Variants in MKNK1 observed in about 807,000 individuals in gnomAD.
MKNK1 encodes MAP kinase-interacting serine/threonine-protein kinase 1.
A neutral mutation model predicts 49.3 loss-of-function variants in MKNK1; 30 were observed. The observed-to-expected ratio is 0.61, with a 90% CI of 0.46 to 0.83. MKNK1 has a LOEUF of 0.83. Among genes scored for constraint, MKNK1 ranks in the 40% least tolerant of loss-of-function variants. MKNK1 has a pLI of 0.00. For missense variants in MKNK1, 423 were observed against 524.7 expected (o/e 0.81, Z 1.89); for synonymous variants, 176 against 201.7 (o/e 0.87, Z 1.08).
At position 46,562,804 on chromosome 1, in the gene MKNK1, C is replaced by A; in HGVS notation, c.649G>T (p.Val217Phe). The change falls in exon 10 of 13, where the codon GTC becomes TTC. Residue 217 changes from valine (V) to phenylalanine (F), a missense_variant. Coordinates refer to ENST00000371945, the MANE Select transcript of MKNK1 (RefSeq NM_001135553.4). Reference protein sequence around the residue: ...AEYMAPEVVEVFTDQATFYDK... With the variant: ...AEYMAPEVVEFFTDQATFYDK... ...TAGAATGTGGCCTGGTCCGTGAAGA[C>A]CTCCACTACCTCAGGGGCCATGTAT... is the stretch of plus-strand genomic sequence containing the variant. 1 of 1,612,880 alleles carries A rather than the reference C, an allele frequency of 6.2e-7. No individual in the cohort carries two copies. The highest frequency in any genetic ancestry group is 8.5e-7 in the Non-Finnish European group (1 of 1,179,506).
chr1:46,567,575 G>T (rs534058606), intron 8 of MKNK1, among the ~76,000 whole-genome samples: 1 of 152,130 alleles, frequency 6.6e-6, no homozygotes, highest in African/African-American at 2.4e-5. Flanking sequence ...TTATTTGAGC[G>T]AATCCATTAT....
chr1:46,560,257 G>A lies in MKNK1; in HGVS notation c.990C>T (p.Leu330=), dbSNP rs1250096521. The A allele has an allele frequency of 2.2e-5, 36 of 1,614,030 alleles. No individual in the cohort carries two copies. The highest frequency in any genetic ancestry group is 3.1e-5 in the Non-Finnish European group (36 of 1,180,014). ...WVQGQAPEKG[L]PTPQVLQRNS... Reference sequence around the variant, plus strand: ...ACCTCTGGAGGACTTGCGGCGTGGGGAGTCCCTTTTCTGGAGCTTGCTAGA... The same window carrying A: ...ACCTCTGGAGGACTTGCGGCGTGGGAAGTCCCTTTTCTGGAGCTTGCTAGA... The change falls in exon 12 of 13, where the codon CTC becomes CTT. Residue 330 remains leucine, a synonymous_variant. Transcript: ENST00000371945.
At chr1:46,602,218 C>T (rs1331564235) in intron 1 of MKNK1, among the ~76,000 whole-genome samples, 1 of 152,208 alleles carries the variant, frequency 6.6e-6, no homozygotes, top group Non-Finnish European at 1.5e-5. Flanking sequence ...TTGAATCCAG[C>T]CTGGCCAACA....
intron 1 of MKNK1, among the ~76,000 whole-genome samples, chr1:46,598,884 C>G (rs972993222): frequency 1.3e-5 from 2 of 152,144 alleles, no homozygotes; most frequent in African/African-American, 4.8e-5. Context: ...CAGTCCCAAG[C>G]CAGGACATTA....
At chr1:46,582,747 C>A in intron 3 of MKNK1, 1 of 397,828 alleles carries the variant, frequency 2.5e-6, no homozygotes, top group Non-Finnish European at 5.0e-6. Context: ...AACACGTATT[C>A]TTTAAAATGT....
At chr1:46,591,950 TA>T (rs1024041883) in intron 2 of MKNK1, among the ~76,000 whole-genome samples, 2 of 152,118 alleles carry the variant, frequency 1.3e-5, no homozygotes, top group East Asian at 1.9e-4. Flanking sequence ...AAAATGGCAT[TA>T]AAAAAAAGCT....
At chr1:46,560,319 C>T in intron 11 of MKNK1, 42 bp from the exon 12 acceptor site, 1 of 1,608,538 alleles carries the variant, frequency 6.2e-7, no homozygotes, top group South Asian at 1.1e-5. Context: ...GCACTGCTCC[C>T]TCCTTTCAAG....
chr1:46,591,258 C>T (rs1049899648), intron 2 of MKNK1, among the ~76,000 whole-genome samples: 1 of 152,196 alleles, frequency 6.6e-6, no homozygotes, highest in Admixed American at 6.5e-5. Flanking sequence ...CCCCAAGAGT[C>T]TGGTGTGAGG....
Position 46,588,154 on chromosome 1 carries a change from A to G in MKNK1, c.-2-4825T>C, listed in dbSNP as rs374287609. ...GTGGTTTAACTGGGATTCAAACTCA[A>G]TGCTGCTCTTTCAAGTCCAGACCAT... On this transcript the variant is annotated intron_variant, in intron 2 of 12. Transcript: ENST00000371945. Among the ~76,000 whole-genome samples the G allele has an allele frequency of 2.3e-3, 346 of 152,324 alleles. 12 individuals carry two copies. The South Asian group carries it at 0.034, about 15-fold the overall frequency.
intron 1 of MKNK1, among the ~76,000 whole-genome samples, chr1:46,597,548 T>A (rs1674241256): frequency 6.6e-6 from 1 of 152,210 alleles, no homozygotes; most frequent in Non-Finnish European, 1.5e-5. Context: ...AGACCAACCC[T>A]CTATGGGAGT....
intron 4 of MKNK1, among the ~76,000 whole-genome samples, chr1:46,577,471 T>C (rs1671144060): frequency 6.6e-6 from 1 of 151,680 alleles, no homozygotes; most frequent in Non-Finnish European, 1.5e-5. Flanking sequence ...ACAGAGAGAC[T>C]CCATCTCAAA....
chr1:46,593,898 C>T (rs1165433204), intron 2 of MKNK1: 9 of 311,256 alleles, frequency 2.9e-5, no homozygotes, highest in Non-Finnish European at 4.8e-5. Context: ...GTTTTAGTTA[C>T]ATGTTTTCCT....
chr1:46,559,982 GT>G (rs1048109441), intron 12 of MKNK1, among the ~76,000 whole-genome samples: 4 of 152,032 alleles, frequency 2.6e-5, no homozygotes, highest in Admixed American at 2.0e-4. Flanking sequence ...GGCAAAACAG[GT>G]TTTTTTTCCT....
chr1:46,583,145 G>A (rs1021724849), intron 3 of MKNK1, 83 bp downstream of exon 3: 24 of 1,052,562 alleles, frequency 2.3e-5, no homozygotes, highest in Non-Finnish European at 3.5e-5. Flanking sequence ...GACGCATTCT[G>A]TGATCGGACC....
At chr1:46,562,187 A>T (rs1310600381) in intron 10 of MKNK1, among the ~76,000 whole-genome samples, 3 of 151,992 alleles carry the variant, frequency 2.0e-5, no homozygotes, top group Non-Finnish European at 2.9e-5. Flanking sequence ...CAAGGTCAGG[A>T]GATTGAGACC....
chr1:46,563,213 G>C (rs1330481376), intron 9 of MKNK1, among the ~76,000 whole-genome samples: 1 of 152,200 alleles, frequency 6.6e-6, no homozygotes, highest in Non-Finnish European at 1.5e-5. Flanking sequence ...AGGAGATCCA[G>C]TTCCACACAG....
intron 7 of MKNK1, chr1:46,569,587 A>C (rs181060723): frequency 2.0e-5 from 3 of 152,370 alleles, no homozygotes; most frequent in Admixed American, 6.5e-5. Context: ...TCGGTGATCA[A>C]CTTTTTCAGC....
chr1:46,599,386 C>A (rs1674459516), intron 1 of MKNK1, among the ~76,000 whole-genome samples: 1 of 152,160 alleles, frequency 6.6e-6, no homozygotes, highest in South Asian at 2.1e-4. Flanking sequence ...CCCATCAGAA[C>A]CCATGCCTGA....
intron 12 of MKNK1, among the ~76,000 whole-genome samples, chr1:46,559,403 G>C (rs1032333338): frequency 2.6e-5 from 4 of 152,174 alleles, no homozygotes; most frequent in Non-Finnish European, 5.9e-5. Context: ...CTAAAAGCTG[G>C]CCATGAGGCT....
Sources: gnomAD v4.1 joint callset for allele counts (sites outside exome capture counted in the v4.1 genomes callset) on GRCh38, gnomAD v4.1.1 for gene constraint, MANE v1.5 for transcripts, NCBI Gene and HGNC (gene_info 2026-07-23, HGNC 2026-07-21) for gene names.